Variants in BDKRB2 observed in about 807,000 individuals in gnomAD.
BDKRB2 encodes B2 bradykinin receptor.
A neutral mutation model predicts 4.0 loss-of-function variants in BDKRB2; 6 were observed. The ratio of observed to expected loss-of-function variants is 1.49; its 90% CI spans 0.81 to 2.93. The LOEUF (loss-of-function observed/expected upper bound fraction) is 2.93, where lower values mean the gene tolerates loss of function less well. BDKRB2 is among the 30% of genes most tolerant of loss of function. BDKRB2 has a pLI of 0.00. For missense variants in BDKRB2, 478 were observed against 520.1 expected (o/e 0.92, Z 0.79); for synonymous variants, 225 against 215.3 (o/e 1.05, Z -0.40).
intron 1 of BDKRB2, chr14:96,223,050 G>T: frequency 2.7e-6 from 2 of 742,744 alleles, no homozygotes; most frequent in South Asian, 3.1e-5. Flanking sequence ...AGGGTGTGCT[G>T]TTGGGAGTTG....
intron 1 of BDKRB2, among the ~76,000 whole-genome samples, chr14:96,222,703 G>A (rs1223204998): frequency 1.3e-5 from 2 of 151,348 alleles, no homozygotes; most frequent in East Asian, 3.9e-4. Flanking sequence ...CACTTGAAAG[G>A]TGGCTGCTTC....
At chr14:96,235,778 C>T (rs938990719) in intron 1 of BDKRB2, among the ~76,000 whole-genome samples, 2 of 151,824 alleles carry the variant, frequency 1.3e-5, no homozygotes, top group African/African-American at 4.8e-5. Flanking sequence ...TCCGTGGCTA[C>T]ATTCATGCAC....
intron 1 of BDKRB2, among the ~76,000 whole-genome samples, chr14:96,224,208 G>T (rs1890642459): frequency 6.6e-6 from 1 of 152,124 alleles, no homozygotes; most frequent in Admixed American, 6.5e-5. Flanking sequence ...ACTGAAGCTG[G>T]GTGAAGTATG....
chr14:96,209,728 G>T (rs1047610912), intron 1 of BDKRB2, among the ~76,000 whole-genome samples: 2 of 152,186 alleles, frequency 1.3e-5, no homozygotes, highest in Non-Finnish European at 2.9e-5. Context: ...GGGCACGGTA[G>T]CTCACAACTG....
intron 1 of BDKRB2, among the ~76,000 whole-genome samples, chr14:96,218,762 A>G (rs1890484287): frequency 6.6e-6 from 1 of 152,058 alleles, no homozygotes; most frequent in South Asian, 2.1e-4. Flanking sequence ...TACTAAAAAT[A>G]CAAAATATTA....
At chr14:96,220,045 T>C (rs1171799104) in intron 1 of BDKRB2, among the ~76,000 whole-genome samples, 2 of 152,004 alleles carry the variant, frequency 1.3e-5, no homozygotes, top group African/African-American at 4.8e-5. Context: ...AATTTGCAAA[T>C]GCTACGGTTA....
intron 1 of BDKRB2, among the ~76,000 whole-genome samples, chr14:96,233,277 G>A (rs1270045950): frequency 3.3e-5 from 5 of 152,132 alleles, no homozygotes; most frequent in Admixed American, 1.3e-4. Flanking sequence ...CAAGCGATCC[G>A]CCTGCCTCAG....
At chr14:96,219,058 CT>C (rs1185654258) in intron 1 of BDKRB2, among the ~76,000 whole-genome samples, 1 of 152,074 alleles carries the variant, frequency 6.6e-6, no homozygotes, top group Admixed American at 6.5e-5. Flanking sequence ...AATCACAGCG[CT>C]TTGGGAGGCC....
intron 1 of BDKRB2, among the ~76,000 whole-genome samples, chr14:96,231,855 C>T (rs1890826211): frequency 1.3e-5 from 2 of 152,192 alleles, no homozygotes; most frequent in Non-Finnish European, 2.9e-5. Context: ...CACGCATGCA[C>T]GCACACCATG....
intron 1 of BDKRB2, among the ~76,000 whole-genome samples, chr14:96,231,785 G>T (rs371303138): frequency 3.9e-5 from 6 of 152,214 alleles, no homozygotes; most frequent in Non-Finnish European, 8.8e-5. Context: ...GATGAGCAAG[G>T]CAGGGTCCTC....
At position 96,240,853 on chromosome 14, in the gene BDKRB2, G is replaced by A. The variant is rs1458650310; in HGVS notation, c.525G>A (p.Lys175=). ...GGATGCGCGGCGTGCGCTGGGCCAA[G>A]CTCTACAGCTTGGTGATCTGGGGGT... is the stretch of plus-strand genomic sequence containing the variant. ...MGRMRGVRWA[K]LYSLVIWGCT... The change falls in exon 3 of 3, where the codon AAG becomes AAA. Residue 175 remains lysine, a synonymous_variant. Transcript: ENST00000554311. 1 of 1,574,170 alleles carries A rather than the reference G, an allele frequency of 6.4e-7. No homozygotes were observed. The highest frequency in any genetic ancestry group is 1.8e-5 in the Admixed American group (1 of 55,272).
chr14:96,222,352 T>A (rs1890593135), intron 1 of BDKRB2, among the ~76,000 whole-genome samples: 1 of 152,026 alleles, frequency 6.6e-6, no homozygotes, highest in African/African-American at 2.4e-5. Flanking sequence ...ATAGGCATGA[T>A]GGATAATAAA....
chr14:96,237,964 G>C, intron 2 of BDKRB2: 2 of 1,191,610 alleles, frequency 1.7e-6, no homozygotes, highest in Non-Finnish European at 2.1e-6. Context: ...TCCAAGCCAG[G>C]GGTATGCAGG....
At chr14:96,215,662 A>G (rs1890401102) in intron 1 of BDKRB2, among the ~76,000 whole-genome samples, 1 of 152,120 alleles carries the variant, frequency 6.6e-6, no homozygotes, top group South Asian at 2.1e-4. Flanking sequence ...ATACTTGCAA[A>G]CTAGATTATT....
intron 1 of BDKRB2, among the ~76,000 whole-genome samples, chr14:96,226,091 T>C (rs1038247693): frequency 5.9e-5 from 9 of 152,190 alleles, no homozygotes; most frequent in African/African-American, 2.2e-4. Flanking sequence ...CAGCCTTCCT[T>C]TCTATGTGGT....
intron 1 of BDKRB2, among the ~76,000 whole-genome samples, chr14:96,232,605 G>A (rs1205965989): frequency 1.3e-5 from 2 of 152,252 alleles, no homozygotes; most frequent in Non-Finnish European, 2.9e-5. Context: ...GCAATAGAAT[G>A]TGAACAATGC....
chr14:96,240,284 C>T (rs1432362572), intron 2 of BDKRB2, 119 bp from the exon 3 acceptor site: 29 of 1,341,794 alleles, frequency 2.2e-5, no homozygotes, highest in East Asian at 2.7e-5. Flanking sequence ...AGCCTGAGCT[C>T]CACCTCGGCT....
At chr14:96,217,872 C>T (rs1348931254) in intron 1 of BDKRB2, among the ~76,000 whole-genome samples, 1 of 151,714 alleles carries the variant, frequency 6.6e-6, no homozygotes, top group Non-Finnish European at 1.5e-5. Context: ...CTCCTCCAAC[C>T]AGGTCTGCCT....
In BDKRB2 at chr14:96,228,186, C is replaced by T. The variant is rs189727089; in HGVS notation, c.-39-8883C>T. On this transcript the variant is annotated intron_variant, in intron 1 of 2. Transcript: ENST00000554311. The stretch of plus-strand genomic sequence containing the variant: ...AATCCCTTGTGTGAGGGGAAGCATG[C>T]AAGCAAGTGGGTGCTGGGGCCGGGG... Among the ~76,000 whole-genome samples the T allele has an allele frequency of 3.5e-4, 53 of 152,352 alleles. 1 individual carries two copies. In the South Asian group the frequency reaches 8.5e-3, roughly 24 times the overall value.
Sources: allele counts gnomAD v4.1 joint callset (sites outside exome capture counted in the v4.1 genomes callset), GRCh38; gene constraint gnomAD v4.1.1; transcripts MANE v1.5; gene names NCBI Gene and HGNC (gene_info 2026-07-23, HGNC 2026-07-21).